GTF2F2: variants seen among roughly 807,000 people sequenced by gnomAD.
The protein encoded by GTF2F2 is general transcription factor IIF subunit 2, also known as ATP-dependent helicase GTF2F2.
Under a neutral mutation model 42.2 loss-of-function variants are expected in GTF2F2, and 23 were observed. The observed-to-expected ratio is 0.55, with a 90% CI of 0.39 to 0.77. The LOEUF is 0.77. Among genes scored for constraint, GTF2F2 ranks in the 30% least tolerant of loss-of-function variants. The pLI is 0.00. For missense variants in GTF2F2, 261 were observed against 287.2 expected (o/e 0.91, Z 0.66); for synonymous variants, 105 against 100.8 (o/e 1.04, Z -0.25).
At chr13:45,258,161 A>G (rs1162128753) in intron 6 of GTF2F2, among the ~76,000 whole-genome samples, 2 of 152,068 alleles carry the variant, frequency 1.3e-5, no homozygotes, top group Non-Finnish European at 2.9e-5. Context: ...ATCATTTTAA[A>G]TATGGCTTGT....
At chr13:45,182,197 C>T (rs1872197428) in intron 4 of GTF2F2, among the ~76,000 whole-genome samples, 2 of 152,122 alleles carry the variant, frequency 1.3e-5, no homozygotes, top group African/African-American at 4.8e-5. Context: ...GTTGCCCAGG[C>T]TGGAGTACAG....
At chr13:45,282,448 G>A (rs942060303) in intron 7 of GTF2F2, among the ~76,000 whole-genome samples, 1 of 152,100 alleles carries the variant, frequency 6.6e-6, no homozygotes, top group Admixed American at 6.5e-5. Context: ...CTTTGGAGAA[G>A]CCAAACACAA....
intron 7 of GTF2F2, among the ~76,000 whole-genome samples, chr13:45,269,733 A>G (rs994065306): frequency 1.3e-5 from 2 of 152,226 alleles, no homozygotes; most frequent in Non-Finnish European, 2.9e-5. Flanking sequence ...GTACTTAAAT[A>G]CATTTAATAC....
intron 4 of GTF2F2, among the ~76,000 whole-genome samples, chr13:45,182,518 T>C (rs1001658736): frequency 2.6e-5 from 4 of 152,092 alleles, no homozygotes; most frequent in Non-Finnish European, 4.4e-5. Flanking sequence ...AATTATGCCT[T>C]TCTCTCTCTA....
At chr13:45,139,645 T>A (rs1171646277) in intron 2 of GTF2F2, among the ~76,000 whole-genome samples, 1 of 152,202 alleles carries the variant, frequency 6.6e-6, no homozygotes, top group East Asian at 1.9e-4. Flanking sequence ...TTCTTTTGTG[T>A]TGTTATTTAT....
chr13:45,139,733 C>G (rs1006963805), intron 2 of GTF2F2, among the ~76,000 whole-genome samples: 1 of 152,182 alleles, frequency 6.6e-6, no homozygotes, highest in Non-Finnish European at 1.5e-5. Flanking sequence ...AGTATAAACT[C>G]TACCAGGTCA....
chr13:45,236,659 TA>T (rs984990999), intron 5 of GTF2F2, among the ~76,000 whole-genome samples: 15 of 151,996 alleles, frequency 9.9e-5, no homozygotes, highest in Admixed American at 9.8e-4. Context: ...ACTGTTGAGG[TA>T]AAAATAATGC....
At chr13:45,135,508 T>G (rs192308248) in intron 1 of GTF2F2, among the ~76,000 whole-genome samples, 4 of 152,272 alleles carry the variant, frequency 2.6e-5, no homozygotes, top group Admixed American at 2.6e-4. Context: ...TCTGCCCGCC[T>G]CGGCCTTCCA....
chr13:45,125,820 G>T (rs920629347), intron 1 of GTF2F2, among the ~76,000 whole-genome samples: 1 of 152,132 alleles, frequency 6.6e-6, no homozygotes, highest in Non-Finnish European at 1.5e-5. Flanking sequence ...GAGTACTCTT[G>T]GGATCAGCAT....
intron 5 of GTF2F2, among the ~76,000 whole-genome samples, chr13:45,243,314 G>T (rs185671930): frequency 3.3e-4 from 51 of 152,316 alleles, no homozygotes; most frequent in Admixed American, 3.3e-3. Context: ...GAACATTACT[G>T]CCTGAGCTCC....
intron 4 of GTF2F2, among the ~76,000 whole-genome samples, chr13:45,161,370 T>C (rs867531525): frequency 3.9e-5 from 6 of 152,092 alleles, no homozygotes; most frequent in Non-Finnish European, 7.4e-5. Flanking sequence ...GAATGCTAAT[T>C]TAGTGTGTGG....
At chr13:45,226,545 T>A (rs1874364334) in intron 5 of GTF2F2, among the ~76,000 whole-genome samples, 1 of 152,192 alleles carries the variant, frequency 6.6e-6, no homozygotes, top group Non-Finnish European at 1.5e-5. Context: ...TATATTTTAA[T>A]GCCTTAGAAT....
chr13:45,170,709 A>G (rs1020570533), intron 4 of GTF2F2, among the ~76,000 whole-genome samples: 1 of 152,260 alleles, frequency 6.6e-6, no homozygotes, highest in Non-Finnish European at 1.5e-5. Flanking sequence ...TAGGGGCTGC[A>G]GTCAGAGAAA....
At chr13:45,201,950 A>G (rs1327870181) in intron 4 of GTF2F2, among the ~76,000 whole-genome samples, 3 of 152,052 alleles carry the variant, frequency 2.0e-5, no homozygotes, top group Non-Finnish European at 4.4e-5. Context: ...CCTTAGTTGA[A>G]CATTTCAAGC....
At position 45,186,436 on chromosome 13, in the gene GTF2F2, C is replaced by T. The variant is rs182891751; in HGVS notation, c.305-20988C>T. Among the ~76,000 whole-genome samples, 336 of 151,518 alleles carry T rather than the reference C, an allele frequency of 2.2e-3. 4 individuals carry two copies. Among genetic ancestry groups the T allele is most frequent in the African/African-American group, 7.7e-3 (318 of 41,272 alleles). On this transcript the variant is annotated intron_variant, in intron 4 of 7. Transcript: ENST00000340473. Reference sequence around the variant, plus strand: ...CCTCCCAAGTAGCTGGGATTTCAGGCGTCCACCACCACACCCTGCTAATTT... The same window carrying T: ...CCTCCCAAGTAGCTGGGATTTCAGGTGTCCACCACCACACCCTGCTAATTT...
At chr13:45,272,300 A>C (rs1876825390) in intron 7 of GTF2F2, among the ~76,000 whole-genome samples, 3 of 151,336 alleles carry the variant, frequency 2.0e-5, no homozygotes, top group Non-Finnish European at 2.9e-5. Context: ...CACATTTATA[A>C]AATTTTAATA....
Position 45,283,600 on chromosome 13 carries a change from G to A in GTF2F2, c.*39G>A, listed in dbSNP as rs1202193905. 1.9e-6 allele frequency: 3 copies of A among 1,541,224 alleles called. No homozygotes were observed. The highest frequency in any genetic ancestry group is 2.5e-5 in the South Asian group (2 of 78,776). On this transcript the variant is annotated 3_prime_UTR_variant, in exon 8 of 8. Transcript: ENST00000340473. ...CAGCATGCTAGTGAAACGACTAGCA[G>A]CGATGCTATGCAAAAGGCGCTGATA...
At chr13:45,134,499 A>G (rs894408512) in intron 1 of GTF2F2, among the ~76,000 whole-genome samples, 2 of 152,046 alleles carry the variant, frequency 1.3e-5, no homozygotes, top group South Asian at 2.1e-4. Context: ...CCTTAAAGCT[A>G]CCTCTGGAAT....
intron 5 of GTF2F2, among the ~76,000 whole-genome samples, chr13:45,239,518 G>T (rs1875173105): frequency 6.6e-6 from 1 of 152,160 alleles, no homozygotes; most frequent in African/African-American, 2.4e-5. Context: ...GGCACAAAAA[G>T]ACTCCATTAG....
Sources: gnomAD v4.1 joint callset for allele counts (sites outside exome capture counted in the v4.1 genomes callset) on GRCh38, gnomAD v4.1.1 for gene constraint, MANE v1.5 for transcripts, NCBI Gene and HGNC (gene_info 2026-07-23, HGNC 2026-07-21) for gene names.